The following NRG1 variants were observed in gnomAD, a reference collection of about 807,000 sequenced individuals.
The protein encoded by NRG1 is neuregulin 1, also known as pro-neuregulin-1, membrane-bound isoform.
In NRG1, 18 loss-of-function variants were observed where a neutral mutation model predicts 63.8. The ratio of observed to expected loss-of-function variants is 0.28; its 90% CI spans 0.19 to 0.42. The LOEUF (loss-of-function observed/expected upper bound fraction) is 0.42. Ranked by LOEUF, NRG1 falls within the 10% of genes least tolerant of loss-of-function variation. The probability of loss-of-function intolerance (pLI) is 1.00; values close to 1 mark genes in which losing one functional copy is unlikely to be tolerated. For missense variants in NRG1, 762 were observed against 814.7 expected, an observed-to-expected ratio of 0.94 and a Z score of 0.79; for synonymous variants, 302 against 301.3, an observed-to-expected ratio of 1.00 and a Z score of -0.02.
intron 5 of NRG1, among the ~76,000 whole-genome samples, chr8:32,725,423 CT>C (rs1682378572): frequency 6.7e-6 from 1 of 149,474 alleles, no homozygotes; most frequent in Admixed American, 6.7e-5. Flanking sequence ...AGTTGAAAGC[CT>C]TTCAGCACAA....
At chr8:32,087,636 A>G (rs1371638789) in intron 1 of NRG1, among the ~76,000 whole-genome samples, 2 of 151,630 alleles carry the variant, frequency 1.3e-5, no homozygotes. Context: ...ACGCCCAGCT[A>G]ATTTTTGTAT....
chr8:31,856,664 G>T (rs549142677), intron 1 of NRG1, among the ~76,000 whole-genome samples: 1 of 152,032 alleles, frequency 6.6e-6, no homozygotes, highest in South Asian at 2.1e-4. Context: ...GAGGAACTGC[G>T]TTCCTTTGGA....
rs1828072842 is a variant in NRG1 at position 32,748,769 on chromosome 8, AT to A, written c.692-5596del. On this transcript the variant is annotated intron_variant, in intron 7 of 11. Coordinates refer to ENST00000356819, the Ensembl canonical transcript of NRG1. ...CCTAGGAATTGGATCTTTCCCACTT[AT>A]TTTTTTCCTTACAGTTTGAAAAAAG... 5 of 452,094 alleles carry A rather than the reference AT, an allele frequency of 1.1e-5. No individual in the cohort carries two copies. The Middle Eastern group carries it at 1.3e-3, about 120-fold the overall frequency. The allele number at this position is 452,094 out of a possible 1,614,324, so 28.0% of individuals were successfully genotyped here. A position where few individuals can be genotyped will look rare whatever the true frequency, so the allele number is the denominator to read the frequency against.
chr8:32,080,902 A>C (rs1159452498), intron 1 of NRG1, among the ~76,000 whole-genome samples: 3 of 152,026 alleles, frequency 2.0e-5, no homozygotes, highest in African/African-American at 7.2e-5. Flanking sequence ...CTGGGTTGGC[A>C]GTCTAGAGAC....
At chr8:31,806,578 A>G (rs1007319431) in intron 1 of NRG1, among the ~76,000 whole-genome samples, 47 of 152,194 alleles carry the variant, frequency 3.1e-4, no homozygotes, top group African/African-American at 1.1e-3. Flanking sequence ...AGATAACTGC[A>G]TTTATTGCAT....
chr8:32,755,699 G>C (rs567811733), intron 8 of NRG1, among the ~76,000 whole-genome samples: 5 of 152,058 alleles, frequency 3.3e-5, no homozygotes, highest in Non-Finnish European at 7.4e-5. Context: ...TTTCTTAAGA[G>C]ACCCCAGGAA....
chr8:32,107,684 T>G (rs1343688349), intron 1 of NRG1, among the ~76,000 whole-genome samples: 1 of 152,202 alleles, frequency 6.6e-6, no homozygotes, highest in Non-Finnish European at 1.5e-5. Context: ...CTGAAATTCT[T>G]GCAGGTAACT....
chr8:31,732,194 G>C (rs1390331844), intron 1 of NRG1, among the ~76,000 whole-genome samples: 1 of 152,066 alleles, frequency 6.6e-6, no homozygotes, highest in East Asian at 1.9e-4. Flanking sequence ...CCAGTTCATT[G>C]ACTGGTTGTT....
At chr8:32,116,386 G>A (rs1563804874) in intron 1 of NRG1, among the ~76,000 whole-genome samples, 1 of 152,152 alleles carries the variant, frequency 6.6e-6, no homozygotes, top group Non-Finnish European at 1.5e-5. Flanking sequence ...AGGGGCTACA[G>A]CACTAAATGA....
chr8:31,822,019 A>G (rs1824052355), intron 1 of NRG1, among the ~76,000 whole-genome samples: 1 of 152,210 alleles, frequency 6.6e-6, no homozygotes, highest in Non-Finnish European at 1.5e-5. Context: ...GCGGAGCTTC[A>G]TTTCCACTGA....
intron 1 of NRG1, among the ~76,000 whole-genome samples, chr8:31,991,303 T>TTCC (rs1563656252): frequency 6.6e-6 from 1 of 151,610 alleles, no homozygotes; most frequent in East Asian, 2.0e-4. Flanking sequence ...CTTCTTCTTC[T>TTCC]TCCTCCTCTT....
intron 1 of NRG1, among the ~76,000 whole-genome samples, chr8:31,646,785 T>C (rs1305519830): frequency 1.3e-5 from 2 of 152,240 alleles, no homozygotes; most frequent in African/African-American, 2.4e-5. Context: ...TTTAGAAAGA[T>C]AAAAACATAC....
chr8:32,522,203 C>T (rs17718751), intron 1 of NRG1, among the ~76,000 whole-genome samples: 40,330 of 152,084 alleles, frequency 0.27, 5,815 homozygotes, highest in South Asian at 0.35. Flanking sequence ...GCCACGCTGT[C>T]TTGCTCCATG....
chr8:31,916,955 G>A (rs1231497748), intron 1 of NRG1, among the ~76,000 whole-genome samples: 2 of 152,088 alleles, frequency 1.3e-5, no homozygotes, highest in Non-Finnish European at 2.9e-5. Flanking sequence ...CTGATGGCCA[G>A]TGATGGCAAG....
chr8:31,840,347 G>GCCTTTT, intron 1 of NRG1, among the ~76,000 whole-genome samples: 1 of 46,736 alleles, frequency 2.1e-5, no homozygotes, highest in East Asian at 2.8e-3. Context: ...GCTATTCTCT[G>GCCTTTT]TCTTTTTTTT....
chr8:32,383,160 G>A (rs1408586656), intron 1 of NRG1, among the ~76,000 whole-genome samples: 1 of 152,112 alleles, frequency 6.6e-6, no homozygotes, highest in Non-Finnish European at 1.5e-5. Flanking sequence ...CAGGATTGGA[G>A]GCTGCAGTGA....
exon 1 of NRG1, chr8:31,639,283 G>A (rs1278367611): frequency 1.5e-6 from 2 of 1,353,838 alleles, no homozygotes; most frequent in Admixed American, 2.0e-5. Flanking sequence ...CAGCCTGTTT[G>A]CCGCCCGTCC....
intron 1 of NRG1, among the ~76,000 whole-genome samples, chr8:31,874,353 T>A (rs1382713425): frequency 6.6e-6 from 1 of 152,240 alleles, no homozygotes; most frequent in African/African-American, 2.4e-5. Context: ...TTTATATACA[T>A]GTCTGGATTT....
intron 1 of NRG1, among the ~76,000 whole-genome samples, chr8:31,952,183 T>C: frequency 6.6e-6 from 1 of 152,242 alleles, no homozygotes; most frequent in East Asian, 1.9e-4. Context: ...GCTTCAACTC[T>C]AATTTATTCA....
Sources: allele counts gnomAD v4.1 joint callset (sites outside exome capture counted in the v4.1 genomes callset), GRCh38; gene constraint gnomAD v4.1.1; transcripts MANE v1.5; gene names NCBI Gene and HGNC (gene_info 2026-07-23, HGNC 2026-07-21).